CADM2: variants seen among roughly 807,000 people sequenced by gnomAD.
The protein encoded by CADM2 is cell adhesion molecule 2, also known as immunoglobulin superfamily member 4D.
A neutral mutation model predicts 49.8 loss-of-function variants in CADM2; 12 were observed. That is an observed-to-expected ratio of 0.24 (90% CI 0.15 to 0.39). The LOEUF is 0.39. Among genes scored for constraint, CADM2 ranks in the 10% least tolerant of loss-of-function variants. The probability of loss-of-function intolerance (pLI) is 1.00; values close to 1 mark genes in which losing one functional copy is unlikely to be tolerated. For missense variants in CADM2, 378 were observed against 492.3 expected (o/e 0.77, Z 2.20); for synonymous variants, 214 against 175.4 (o/e 1.22, Z -1.74).
At chr3:85,222,062 A>C (rs998579156) in intron 1 of CADM2, among the ~76,000 whole-genome samples, 2 of 152,182 alleles carry the variant, frequency 1.3e-5, no homozygotes, top group Non-Finnish European at 2.9e-5. Flanking sequence ...ATGAGATAAA[A>C]AGATATACAC....
At chr3:85,279,384 A>G in intron 1 of CADM2, among the ~76,000 whole-genome samples, 1 of 151,690 alleles carries the variant, frequency 6.6e-6, no homozygotes, top group East Asian at 1.9e-4. Flanking sequence ...TGCTTTTATT[A>G]ATCATCAAAA....
At chr3:85,846,192 A>G (rs966292214) in intron 3 of CADM2, among the ~76,000 whole-genome samples, 2 of 152,158 alleles carry the variant, frequency 1.3e-5, no homozygotes, top group Non-Finnish European at 2.9e-5. Context: ...TTACTAATAG[A>G]GAGATTATTG....
chr3:85,372,363 G>T (rs968628910), intron 1 of CADM2, among the ~76,000 whole-genome samples: 1 of 150,212 alleles, frequency 6.7e-6, no homozygotes, highest in African/African-American at 2.5e-5. Context: ...GTGTGTGTGT[G>T]TATATATATA....
intron 1 of CADM2, among the ~76,000 whole-genome samples, chr3:85,214,190 T>C (rs1037603079): frequency 2.0e-5 from 3 of 152,040 alleles, no homozygotes; most frequent in East Asian, 2.0e-4. Context: ...TGCAGACCTG[T>C]ATTTGTTCCA....
intron 8 of CADM2, among the ~76,000 whole-genome samples, chr3:86,050,864 A>G (rs115432469): frequency 0.034 from 5,222 of 152,154 alleles, 180 homozygotes; most frequent in African/African-American, 0.084. Flanking sequence ...GAACGAAACC[A>G]CCTGTCATGG....
intron 1 of CADM2, among the ~76,000 whole-genome samples, chr3:85,666,029 C>G (rs2107620722): frequency 6.6e-6 from 1 of 152,086 alleles, no homozygotes; most frequent in South Asian, 2.1e-4. Flanking sequence ...AGCTGATAAG[C>G]AACTTCAGCA....
At chr3:85,648,846 C>T (rs1407089513) in intron 1 of CADM2, among the ~76,000 whole-genome samples, 1 of 151,984 alleles carries the variant, frequency 6.6e-6, no homozygotes, top group East Asian at 1.9e-4. Context: ...AATCATCTGT[C>T]AAAATAGTCG....
intron 1 of CADM2, among the ~76,000 whole-genome samples, chr3:85,721,335 C>G (rs941120449): frequency 6.6e-6 from 1 of 152,082 alleles, no homozygotes; most frequent in Non-Finnish European, 1.5e-5. Context: ...GTTATGGGAT[C>G]TTTGGGGTGT....
intron 1 of CADM2, among the ~76,000 whole-genome samples, chr3:85,306,561 T>A (rs1192693116): frequency 6.6e-6 from 1 of 151,756 alleles, no homozygotes; most frequent in Non-Finnish European, 1.5e-5. Flanking sequence ...TAAGATGTGA[T>A]GAAACTCATT....
intron 1 of CADM2, among the ~76,000 whole-genome samples, chr3:85,189,305 A>T (rs1274289741): frequency 6.6e-6 from 1 of 151,996 alleles, no homozygotes. Context: ...TTTCCATTCC[A>T]GGAGTTGAAG....
intron 1 of CADM2, among the ~76,000 whole-genome samples, chr3:85,216,360 T>C (rs142273996): frequency 0.059 from 8,669 of 147,498 alleles, 376 homozygotes; most frequent in Non-Finnish European, 0.089. Flanking sequence ...ATATTAATAG[T>C]AATATATTTA....
chr3:85,143,252 A>G, intron 1 of CADM2, among the ~76,000 whole-genome samples: 1 of 152,156 alleles, frequency 6.6e-6, no homozygotes, highest in South Asian at 2.1e-4. Context: ...GGGGGCCAAG[A>G]CAGAAGGATT....
chr3:85,063,120 G>A (rs4856560), intron 1 of CADM2, among the ~76,000 whole-genome samples: 113,413 of 151,642 alleles, frequency 0.75, 43,773 homozygotes, highest in African/African-American at 0.93. Context: ...GGTTTTTTAT[G>A]TAATTGCAGT....
At chr3:85,085,503 A>G (rs2037333917) in intron 1 of CADM2, among the ~76,000 whole-genome samples, 1 of 152,068 alleles carries the variant, frequency 6.6e-6, no homozygotes, top group South Asian at 2.1e-4. Context: ...TTATTCATTC[A>G]TCATTGATGG....
rs865989950 is a variant in CADM2, at chr3:85,359,668, T to A, written c.62-366854T>A. ...TATATATATATATATATATATATAT[T>A]TTTTTTTTTGGTGGAGGGGAGAAGA... On this transcript the variant is annotated intron_variant, in intron 1 of 9. Transcript: ENST00000383699. 2.9e-3 allele frequency among the ~76,000 whole-genome samples: 65 copies of A among 22,382 alleles called. 1 individual carries two copies. The highest frequency in any genetic ancestry group is 0.029 in the Middle Eastern group (1 of 34). 14.7% of individuals were successfully genotyped at this position (22,382 alleles called of 152,430 possible).
At chr3:86,002,111 G>A (rs1388129057) in intron 8 of CADM2, among the ~76,000 whole-genome samples, 1 of 152,054 alleles carries the variant, frequency 6.6e-6, no homozygotes, top group Non-Finnish European at 1.5e-5. Flanking sequence ...CTTCCTTCAT[G>A]ATGTCAAAGT....
intron 1 of CADM2, among the ~76,000 whole-genome samples, chr3:85,712,778 T>C (rs1471511114): frequency 6.6e-6 from 1 of 152,198 alleles, no homozygotes; most frequent in Non-Finnish European, 1.5e-5. Flanking sequence ...TAACACTATA[T>C]TTGGCACAGA....
At chr3:85,386,852 T>C (rs2034259328) in intron 1 of CADM2, among the ~76,000 whole-genome samples, 1 of 152,204 alleles carries the variant, frequency 6.6e-6, no homozygotes, top group African/African-American at 2.4e-5. Flanking sequence ...GACAACATGT[T>C]TCCCCATTTG....
Position 85,791,026 on chromosome 3 carries a change from C to T in CADM2, c.89-11021C>T, listed in dbSNP as rs532326954. On this transcript the variant is annotated intron_variant, in intron 2 of 9. Transcript: ENST00000383699. The stretch of plus-strand genomic sequence containing the variant: ...TAAAATATTATGTGGTTGCCTAGGA[C>T]AGCAGACAACTTAAAGTCTTTCAGA... 3.3e-5 allele frequency among the ~76,000 whole-genome samples: 5 copies of T among 152,266 alleles called. 1 individual carries two copies. In the South Asian group the frequency reaches 1.0e-3, roughly 32 times the overall value.
Sources: allele counts gnomAD v4.1 joint callset (sites outside exome capture counted in the v4.1 genomes callset), GRCh38; gene constraint gnomAD v4.1.1; transcripts MANE v1.5; gene names NCBI Gene and HGNC (gene_info 2026-07-23, HGNC 2026-07-21).